PTPRN2: variants seen among roughly 807,000 people sequenced by gnomAD.
PTPRN2 encodes the protein receptor-type tyrosine-protein phosphatase N2.
In PTPRN2, 74 loss-of-function variants were observed where a neutral mutation model predicts 118.8. The ratio of observed to expected loss-of-function variants is 0.62; its 90% CI spans 0.52 to 0.76. The LOEUF (loss-of-function observed/expected upper bound fraction) is 0.76, where lower values mean the gene tolerates loss of function less well. Among genes scored for constraint, PTPRN2 ranks in the 30% least tolerant of loss-of-function variants. PTPRN2 has a pLI of 0.00. For synonymous variants in PTPRN2, 641 were observed against 608.0 expected, an observed-to-expected ratio of 1.05 and a Z score of -0.80; for missense variants, 1,481 against 1,394.4, an observed-to-expected ratio of 1.06 and a Z score of -0.99.
At chr7:157,746,671 G>T (rs1437151332) in intron 12 of PTPRN2, among the ~76,000 whole-genome samples, 1 of 152,210 alleles carries the variant, frequency 6.6e-6, no homozygotes, top group Admixed American at 6.5e-5. Flanking sequence ...TCTTCACGGG[G>T]CCCTGAGTAT....
intron 2 of PTPRN2, among the ~76,000 whole-genome samples, chr7:158,445,698 G>A (rs182852643): frequency 8.9e-4 from 136 of 152,356 alleles, no homozygotes; most frequent in Middle Eastern, 3.4e-3. Context: ...GCCGCATCTT[G>A]GGGTCTATGC....
intron 1 of PTPRN2, among the ~76,000 whole-genome samples, chr7:158,492,277 G>C (rs116420555): frequency 6.6e-6 from 1 of 152,220 alleles, no homozygotes; most frequent in Non-Finnish European, 1.5e-5. Flanking sequence ...CATCTCCAGC[G>C]TGGAGGAACA....
At chr7:157,564,423 T>A (rs951571935) in intron 21 of PTPRN2, among the ~76,000 whole-genome samples, 4 of 152,316 alleles carry the variant, frequency 2.6e-5, no homozygotes, top group Middle Eastern at 3.4e-3. Context: ...AAATATTTTT[T>A]AAAAAGTAAA....
At chr7:157,883,414 C>T (rs553981107) in intron 12 of PTPRN2, among the ~76,000 whole-genome samples, 80 of 144,928 alleles carry the variant, frequency 5.5e-4, no homozygotes, top group African/African-American at 1.6e-3. Flanking sequence ...AAATGATTGT[C>T]GGAGATCAGA....
intron 2 of PTPRN2, among the ~76,000 whole-genome samples, chr7:158,336,015 ACT>A (rs2151189748): frequency 2.6e-4 from 2 of 7,744 alleles, no homozygotes; most frequent in East Asian, 1.3e-3. Context: ...TCACACCCAC[ACT>A]CTCACCATAA....
intron 12 of PTPRN2, among the ~76,000 whole-genome samples, chr7:157,800,289 T>C (rs79457135): frequency 0.04 from 6,120 of 152,324 alleles, 400 homozygotes; most frequent in African/African-American, 0.14. Flanking sequence ...GGCCTCTGCT[T>C]AGCCCCACCT....
intron 11 of PTPRN2, among the ~76,000 whole-genome samples, chr7:157,954,742 G>A (rs971662561): frequency 6.6e-5 from 10 of 152,174 alleles, no homozygotes; most frequent in Admixed American, 1.3e-4. Context: ...AGGGGTGGAA[G>A]TGGGGGTGGC....
At chr7:158,103,053 T>A (rs1457966837) in intron 10 of PTPRN2, among the ~76,000 whole-genome samples, 2 of 152,152 alleles carry the variant, frequency 1.3e-5, no homozygotes, top group African/African-American at 4.8e-5. Flanking sequence ...AAGGCCTGGG[T>A]GTCCAGACAT....
intron 12 of PTPRN2, among the ~76,000 whole-genome samples, chr7:157,898,108 G>A (rs546686694): frequency 1.1e-4 from 17 of 152,068 alleles, no homozygotes; most frequent in South Asian, 2.1e-4. Context: ...GTAAGGTTTG[G>A]ACACACAGGG....
intron 12 of PTPRN2, among the ~76,000 whole-genome samples, chr7:157,731,352 A>C (rs1296554603): frequency 6.6e-6 from 1 of 152,208 alleles, no homozygotes; most frequent in Non-Finnish European, 1.5e-5. Flanking sequence ...CTCTGCGGTG[A>C]CTAGAACCGT....
intron 3 of PTPRN2, among the ~76,000 whole-genome samples, chr7:158,278,801 A>G (rs115017059): frequency 0.061 from 9,319 of 152,258 alleles, 359 homozygotes; most frequent in Non-Finnish European, 0.077. Context: ...TGGGTGTCAC[A>G]GCTCATAAAC....
intron 3 of PTPRN2, among the ~76,000 whole-genome samples, chr7:158,304,333 ATATGCTAAGATG>A (rs1361505631): frequency 6.6e-6 from 1 of 150,962 alleles, no homozygotes; most frequent in Non-Finnish European, 1.5e-5. Flanking sequence ...ACACCCGTCA[ATATGCTAAGATG>A]TACACAGGCT....
At chr7:158,513,307 C>T (rs1823307921) in intron 1 of PTPRN2, among the ~76,000 whole-genome samples, 1 of 152,146 alleles carries the variant, frequency 6.6e-6, no homozygotes, top group Non-Finnish European at 1.5e-5. Flanking sequence ...CTGTCAGGGT[C>T]CTCAAAGCCA....
intron 21 of PTPRN2, among the ~76,000 whole-genome samples, chr7:157,563,251 C>G (rs55785941): frequency 1.4e-5 from 2 of 140,818 alleles, no homozygotes; most frequent in South Asian, 2.4e-4. Flanking sequence ...CGTCACCACA[C>G]ACAGCAGATC....
intron 11 of PTPRN2, among the ~76,000 whole-genome samples, chr7:157,975,575 C>T (rs556802300): frequency 5.9e-5 from 9 of 152,268 alleles, no homozygotes; most frequent in African/African-American, 1.7e-4. Flanking sequence ...TCCCTAGACC[C>T]GAACTGTGCT....
At chr7:157,711,537 T>G (rs10240401) in intron 12 of PTPRN2, among the ~76,000 whole-genome samples, 8,757 of 151,668 alleles carry the variant, frequency 0.058, 383 homozygotes, top group East Asian at 0.23. Context: ...GAGGCTGTCC[T>G]GGGACCTGAG....
rs1563357621 is a variant in PTPRN2, at chr7:158,045,900, A to ATCCTGGAG, written c.1723+35397_1723+35398insCTCCAGGA. Among the ~76,000 whole-genome samples the ATCCTGGAG allele has an allele frequency of 9.1e-4, 132 of 145,680 alleles. 15 individuals are homozygous for ATCCTGGAG. Among genetic ancestry groups the ATCCTGGAG allele is most frequent in the African/African-American group, 3.1e-3 (116 of 37,914 alleles). ...GTTCTGTCCAGGAGCAGAACCTGCG[A>ATCCTGGAG]TCCTGACGTCCTGACACTGCCGTGT... On this transcript the variant is annotated intron_variant, in intron 11 of 22. Coordinates refer to ENST00000389418, the MANE Select transcript of PTPRN2 (RefSeq NM_002847.5).
In PTPRN2 at chr7:157,974,545, G is replaced by A. The variant is rs10239688; in HGVS notation, c.1724-75808C>T. Among the ~76,000 whole-genome samples the A allele has an allele frequency of 4.6e-4, 70 of 152,244 alleles. No individual in the cohort carries two copies. Among genetic ancestry groups the A allele is most frequent in the Non-Finnish European group, 8.1e-4 (55 of 68,020 alleles). On this transcript the variant is annotated intron_variant, in intron 11 of 22. Transcript: ENST00000389418. This position sits in a 1 kb window ranked among gnomAD's most constrained non-coding sequence, Gnocchi z 4.0. ...CATGGGACGATGTGACTGGGGGCTC[G>A]TCCATGCCTTGTCGTGGACATCTCT... is the stretch of plus-strand genomic sequence containing the variant.
rs918495634 is a variant in PTPRN2, at chr7:157,622,639, G to T, written c.2197-1130C>A. ...CAGCAAACACACACCCTGCTGTGCT[G>T]GCCCAGCTCACACGGGAGCAGGTGC... On this transcript the variant is annotated intron_variant, in intron 14 of 22. Coordinates refer to ENST00000389418, the MANE Select transcript of PTPRN2 (RefSeq NM_002847.5). This position sits in a 1 kb window ranked among gnomAD's most constrained non-coding sequence, Gnocchi z 5.3. Among the ~76,000 whole-genome samples the T allele has an allele frequency of 6.6e-6, 1 of 152,202 alleles. No homozygotes were observed. Among genetic ancestry groups the T allele is most frequent in the African/African-American group, 2.4e-5 (1 of 41,458 alleles).
Sources: gnomAD v4.1 joint callset for allele counts (sites outside exome capture counted in the v4.1 genomes callset) on GRCh38, gnomAD v4.1.1 for gene constraint, Gnocchi (gnomAD v3.1) non-coding constraint, MANE v1.5 for transcripts, NCBI Gene and HGNC (gene_info 2026-07-23, HGNC 2026-07-21) for gene names.